SFI1: variants seen among roughly 807,000 people sequenced by gnomAD.
SFI1 encodes SFI1 centrin binding protein.
A neutral mutation model predicts 207.5 loss-of-function variants in SFI1; 195 were observed. The ratio of observed to expected loss-of-function variants is 0.94; its 90% CI spans 0.84 to 1.06. SFI1 has a LOEUF of 1.06. Ranked by LOEUF, SFI1 falls within the 50% of genes least tolerant of loss-of-function variation. The pLI is 0.00. For synonymous variants in SFI1, 630 were observed against 598.9 expected (o/e 1.05, Z -0.76); for missense variants, 1,634 against 1,588.0 (o/e 1.03, Z -0.49).
chr22:31,606,635 G>T, intron 21 of SFI1: 1 of 421,434 alleles, frequency 2.4e-6, no homozygotes, highest in Non-Finnish European at 4.3e-6. Flanking sequence ...GCATTAAATA[G>T]AAACATAACA....
At chr22:31,590,951 T>TTTTATTTATTTA (rs200262154) in intron 15 of SFI1, among the ~76,000 whole-genome samples, 48 of 144,348 alleles carry the variant, frequency 3.3e-4, no homozygotes, top group African/African-American at 1.1e-3. Flanking sequence ...ACTTTTTTCT[T>TTTTATTTATTTA]TTTATTTATT....
chr22:31,535,185 CTT>C (rs36035505), intron 4 of SFI1, among the ~76,000 whole-genome samples: 601 of 111,800 alleles, frequency 5.4e-3, no homozygotes, highest in African/African-American at 0.013. Context: ...TTTTTTATTG[CTT>C]TTTTTTTTTT....
Position 31,618,453 on chromosome 22 carries a change from C to T in SFI1, c.*35C>T, listed in dbSNP as rs755746962. On this transcript the variant is annotated 3_prime_UTR_variant, in exon 33 of 33. Coordinates refer to ENST00000400288, the MANE Select transcript of SFI1 (RefSeq NM_001007467.3). Reference sequence around the variant, plus strand: ...ACCAGGAACGCAGGTGCTGGGCTGTCGGGGAGGCCTCAGGCCACCTCCAGG... The same window carrying T: ...ACCAGGAACGCAGGTGCTGGGCTGTTGGGGAGGCCTCAGGCCACCTCCAGG... 1.5e-5 allele frequency: 22 copies of T among 1,496,022 alleles called. No individual in the cohort carries two copies. Among genetic ancestry groups the T allele is most frequent in the Middle Eastern group, 2.4e-4 (1 of 4,194 alleles). The allele number at this position is 1,496,022 out of a possible 1,614,324, so 92.7% of individuals were successfully genotyped here.
intron 8 of SFI1, among the ~76,000 whole-genome samples, chr22:31,569,583 A>G (rs954946589): frequency 2.0e-5 from 3 of 152,192 alleles, no homozygotes; most frequent in African/African-American, 4.8e-5. Flanking sequence ...GGAAGTTGTC[A>G]TATAAAACAG....
intron 15 of SFI1, among the ~76,000 whole-genome samples, chr22:31,591,779 ACC>A (rs1381810319): frequency 2.4e-5 from 1 of 41,936 alleles, no homozygotes; most frequent in Non-Finnish European, 4.0e-5. Flanking sequence ...GGGGGGGCTG[ACC>A]CCCCCCACCT....
chr22:31,574,038 T>C (rs1477245867), intron 9 of SFI1, among the ~76,000 whole-genome samples: 1 of 152,240 alleles, frequency 6.6e-6, no homozygotes, highest in African/African-American at 2.4e-5. Flanking sequence ...TTTTGGATAC[T>C]GTTTATATGG....
intron 8 of SFI1, among the ~76,000 whole-genome samples, chr22:31,567,673 A>C (rs569795356): frequency 3.3e-5 from 5 of 152,258 alleles, no homozygotes; most frequent in Non-Finnish European, 7.4e-5. Flanking sequence ...GGAGGGAGAG[A>C]AGGGTATAGG....
intron 5 of SFI1, among the ~76,000 whole-genome samples, chr22:31,548,501 G>T (rs997874745): frequency 6.6e-6 from 1 of 151,846 alleles, no homozygotes; most frequent in African/African-American, 2.4e-5. Flanking sequence ...AAATTAGCCG[G>T]GCATGGCGGC....
Position 31,607,959 on chromosome 22 carries a change from C to G in SFI1, c.2180C>G (p.Ala727Gly). 1 of 1,613,720 alleles carries G rather than the reference C, an allele frequency of 6.2e-7. No homozygotes were observed. The highest frequency in any genetic ancestry group is 8.5e-7 in the Non-Finnish European group (1 of 1,179,772). ...CSKVLVQWREAVSVQMYYRQQ... is the reference protein window; with the variant it reads ...CSKVLVQWREGVSVQMYYRQQ... ...TAGGTCCTGGTCCAGTGGCGGGAAG[C>G]TGTGTCAGTGCAGATGTATTACCGA... The change falls in exon 22 of 33, where the codon GCT (alanine) becomes GGT (glycine). Residue 727 changes from alanine (A) to glycine (G), a missense_variant. Physicochemically the swap from Ala to Gly is moderately conservative, Grantham distance 60. Coordinates refer to ENST00000400288, the MANE Select transcript of SFI1 (RefSeq NM_001007467.3).
At chr22:31,549,518 C>G (rs1433766324) in intron 5 of SFI1, among the ~76,000 whole-genome samples, 1 of 151,738 alleles carries the variant, frequency 6.6e-6, no homozygotes, top group East Asian at 1.9e-4. Flanking sequence ...GCACATGCTA[C>G]TACGAGTGGC....
chr22:31,589,162 C>G (rs899272493), intron 14 of SFI1, among the ~76,000 whole-genome samples: 1 of 151,784 alleles, frequency 6.6e-6, no homozygotes, highest in African/African-American at 2.4e-5. Flanking sequence ...GGTATGAACA[C>G]CTAAGCCAGG....
intron 27 of SFI1, chr22:31,614,406 G>A (rs778971723): frequency 4.3e-5 from 17 of 399,652 alleles, no homozygotes; most frequent in Non-Finnish European, 7.7e-5. Context: ...GGGCCTCGGG[G>A]GAGATGTCAG....
chr22:31,589,670 C>T (rs924329387), intron 15 of SFI1, 93 bp downstream of exon 15: 15 of 1,406,532 alleles, frequency 1.1e-5, no homozygotes, highest in Non-Finnish European at 1.3e-5. Context: ...TTCAGCTTCC[C>T]AGACCCCAGG....
chr22:31,506,203 A>G (rs2054612343), intron 1 of SFI1, among the ~76,000 whole-genome samples: 1 of 151,740 alleles, frequency 6.6e-6, no homozygotes, highest in South Asian at 2.1e-4. Context: ...GCCCACCACC[A>G]TGCCTGGCTC....
At chr22:31,561,447 C>CGAG (rs1221924780) in intron 8 of SFI1, 55 bp downstream of exon 8, 7 of 1,491,342 alleles carry the variant, frequency 4.7e-6, no homozygotes, top group Non-Finnish European at 6.4e-6. Flanking sequence ...TCAAGCCTCT[C>CGAG]ACCCACAGAG....
chr22:31,574,265 A>G (rs1445128611), intron 9 of SFI1, among the ~76,000 whole-genome samples: 1 of 152,174 alleles, frequency 6.6e-6, no homozygotes, highest in South Asian at 2.1e-4. Context: ...TCATTGGAGG[A>G]TAGTGACCCC....
At chr22:31,546,319 TC>T (rs2060076620) in intron 4 of SFI1, among the ~76,000 whole-genome samples, 1 of 151,856 alleles carries the variant, frequency 6.6e-6, no homozygotes, top group African/African-American at 2.4e-5. Context: ...TTTTAATCTA[TC>T]TTGGTGTTTA....
chr22:31,514,281 G>A (rs1424514015), intron 2 of SFI1, among the ~76,000 whole-genome samples: 3 of 151,718 alleles, frequency 2.0e-5, no homozygotes, highest in Admixed American at 6.6e-5. Flanking sequence ...CAAGGCAGTC[G>A]GATCATGAGG....
In SFI1 at chr22:31,611,255, G is replaced by A; in HGVS notation, c.2367G>A (p.Glu789=). 6.2e-7 allele frequency: 1 copy of A among 1,613,228 alleles called. No individual in the cohort carries two copies. Among genetic ancestry groups the A allele is most frequent in the African/African-American group, 1.3e-5 (1 of 75,034 alleles). ...ACCACCACCGGCAGCTGCTGCTGGA[G>A]GGGCTGGCCCGGTGGAAGACGCACC... ...VQHHHRQLLL[E]GLARWKTHHL... The change falls in exon 23 of 33, where the codon GAG becomes GAA. Residue 789 remains glutamate, a synonymous_variant. Coordinates refer to ENST00000400288, the MANE Select transcript of SFI1 (RefSeq NM_001007467.3).
Sources: allele counts gnomAD v4.1 joint callset (sites outside exome capture counted in the v4.1 genomes callset), GRCh38; gene constraint gnomAD v4.1.1; transcripts MANE v1.5; gene names NCBI Gene and HGNC (gene_info 2026-07-23, HGNC 2026-07-21).